STARD13: variants seen among roughly 807,000 people sequenced by gnomAD.
STARD13 encodes the protein StAR related lipid transfer domain containing 13.
Under a neutral mutation model 106.4 loss-of-function variants are expected in STARD13, and 62 were observed. The ratio of observed to expected loss-of-function variants is 0.58; its 90% CI spans 0.48 to 0.72. The LOEUF is 0.72. Ranked by LOEUF, STARD13 falls within the 30% of genes least tolerant of loss-of-function variation. The pLI is 0.00. For missense variants in STARD13, 1,387 were observed against 1,424.0 expected (o/e 0.97, Z 0.42); for synonymous variants, 565 against 553.0 (o/e 1.02, Z -0.31).
intron 1 of STARD13, among the ~76,000 whole-genome samples, chr13:33,246,036 A>G (rs1889808508): frequency 6.6e-6 from 1 of 152,188 alleles, no homozygotes; most frequent in Non-Finnish European, 1.5e-5. Flanking sequence ...GGGTGCAGGA[A>G]GGGATGGGGT....
the STARD13 span, among the ~76,000 whole-genome samples, chr13:33,441,143 C>G: frequency 6.6e-6 from 1 of 152,154 alleles, no homozygotes; most frequent in African/African-American, 2.4e-5. Context: ...ATGACTCCTT[C>G]CTGTCCTCAC....
the STARD13 span, among the ~76,000 whole-genome samples, chr13:33,464,032 T>C: frequency 6.9e-6 from 1 of 144,056 alleles, no homozygotes; most frequent in South Asian, 2.2e-4. Flanking sequence ...TACATATATA[T>C]ATATATATAT....
At chr13:33,504,542 G>C in the STARD13 span, among the ~76,000 whole-genome samples, 2 of 148,120 alleles carry the variant, frequency 1.4e-5, no homozygotes, top group Non-Finnish European at 3.0e-5. Context: ...ACTCATAGGG[G>C]AGAATTGAAC....
At chr13:33,662,994 G>A in the STARD13 span, among the ~76,000 whole-genome samples, 1 of 152,204 alleles carries the variant, frequency 6.6e-6, no homozygotes, top group Non-Finnish European at 1.5e-5. Context: ...TGAGAGTGAG[G>A]TGAGGTATTT....
At chr13:33,202,889 C>T (rs530822005) in intron 1 of STARD13, among the ~76,000 whole-genome samples, 3 of 152,096 alleles carry the variant, frequency 2.0e-5, no homozygotes, top group African/African-American at 2.4e-5. Flanking sequence ...CCTCTGGGGG[C>T]TCCAAAGAAA....
rs369801108 is a variant in STARD13, at chr13:33,167,531, G to T, written c.241+20C>A. ...TTGGATTTATTCTCTGTGTAAGAGC[G>T]AAGCGAAGGGCTGACGTACCCTCAT... is the stretch of plus-strand genomic sequence containing the variant. On this transcript the variant is annotated intron_variant, in intron 2 of 13. Coordinates refer to ENST00000336934, the MANE Select transcript of STARD13 (RefSeq NM_178006.4). The T allele has an allele frequency of 5.0e-6, 8 of 1,613,084 alleles. No homozygotes were observed. The highest frequency in any genetic ancestry group is 6.8e-6 in the Non-Finnish European group (8 of 1,179,172).
intron 1 of STARD13, among the ~76,000 whole-genome samples, chr13:33,207,590 G>T (rs1457986058): frequency 6.6e-6 from 1 of 152,166 alleles, no homozygotes; most frequent in Non-Finnish European, 1.5e-5. Flanking sequence ...GAGAGATTTT[G>T]TTCAGGGTCC....
upstream of STARD13, among the ~76,000 whole-genome samples, chr13:33,352,618 G>C (rs955349900): frequency 5.8e-4 from 89 of 152,214 alleles, 1 homozygote; most frequent in Non-Finnish European, 1.0e-4. Flanking sequence ...CATGAATTGA[G>C]GACTGTCCAA....
the STARD13 span, among the ~76,000 whole-genome samples, chr13:33,498,061 C>T: frequency 0.3 from 45,473 of 152,028 alleles, 7,673 homozygotes; most frequent in Non-Finnish European, 0.39. Context: ...AGCTGTCATA[C>T]CAAGAACTGA....
At chr13:33,616,063 C>A in the STARD13 span, among the ~76,000 whole-genome samples, 1 of 150,580 alleles carries the variant, frequency 6.6e-6, no homozygotes. Context: ...GGAAGCCAGG[C>A]AAAGCATATT....
chr13:33,273,130 T>C (rs996702842), intron 1 of STARD13, among the ~76,000 whole-genome samples: 2 of 152,174 alleles, frequency 1.3e-5, no homozygotes, highest in Non-Finnish European at 2.9e-5. Context: ...CAGAAACATG[T>C]CAAAGTAGGA....
chr13:33,518,009 A>AAACAACAAC, the STARD13 span, among the ~76,000 whole-genome samples: 520 of 150,456 alleles, frequency 3.5e-3, 2 homozygotes, highest in African/African-American at 0.012. Flanking sequence ...TGGCAAAAAC[A>AAACAACAAC]AACAACAACA....
At chr13:33,640,552 T>A in the STARD13 span, among the ~76,000 whole-genome samples, 1 of 152,222 alleles carries the variant, frequency 6.6e-6, no homozygotes, top group Non-Finnish European at 1.5e-5. Context: ...CCAGAGTCCC[T>A]GCCATTTAAT....
chr13:33,641,662 A>C, the STARD13 span, among the ~76,000 whole-genome samples: 2 of 152,174 alleles, frequency 1.3e-5, no homozygotes, highest in Admixed American at 1.3e-4. Context: ...CCCATACTTT[A>C]TTGAGTGTCT....
chr13:33,662,740 C>A, the STARD13 span, among the ~76,000 whole-genome samples: 3 of 152,162 alleles, frequency 2.0e-5, no homozygotes, highest in Admixed American at 2.0e-4. Context: ...TTAAAGATCA[C>A]ACAAGGTTAA....
chr13:33,248,596 C>G (rs553333501), intron 1 of STARD13, among the ~76,000 whole-genome samples: 7 of 152,234 alleles, frequency 4.6e-5, no homozygotes, highest in African/African-American at 1.7e-4. Context: ...ACTGCTCCCC[C>G]ATCCCTCTAT....
the STARD13 span, among the ~76,000 whole-genome samples, chr13:33,425,055 C>T: frequency 6.6e-6 from 1 of 152,220 alleles, no homozygotes; most frequent in African/African-American, 2.4e-5. Context: ...AGAATAGATA[C>T]TTGAAGACTT....
chr13:33,219,064 T>C (rs896865740), intron 1 of STARD13, among the ~76,000 whole-genome samples: 4 of 152,170 alleles, frequency 2.6e-5, no homozygotes, highest in African/African-American at 9.7e-5. Flanking sequence ...GTTTACTATA[T>C]CTATTGTGAA....
the STARD13 span, among the ~76,000 whole-genome samples, chr13:33,407,493 C>A: frequency 6.6e-6 from 1 of 152,084 alleles, no homozygotes; most frequent in South Asian, 2.1e-4. Context: ...GCCATTTCTT[C>A]CTATTTTTTC....
Sources: gnomAD v4.1 joint callset for allele counts (sites outside exome capture counted in the v4.1 genomes callset) on GRCh38, gnomAD v4.1.1 for gene constraint, MANE v1.5 for transcripts, NCBI Gene and HGNC (gene_info 2026-07-23, HGNC 2026-07-21) for gene names.